The following RANBP2 variants were observed in gnomAD, a reference collection of about 807,000 sequenced individuals.
RANBP2 encodes the protein E3 SUMO-protein ligase RanBP2.
In RANBP2, 57 loss-of-function variants were observed where a neutral mutation model predicts 303.6. That is an observed-to-expected ratio of 0.19 (90% CI 0.15 to 0.23). The LOEUF is 0.23. Ranked by LOEUF, RANBP2 falls within the 10% of genes least tolerant of loss-of-function variation. RANBP2 has a pLI of 1.00. For synonymous variants in RANBP2, 1,167 were observed against 1,301.5 expected, an observed-to-expected ratio of 0.90 and a Z score of 2.23; for missense variants, 3,138 against 3,780.8, an observed-to-expected ratio of 0.83 and a Z score of 4.46.
chr2:109,590,779 A>G, the RANBP2 span, among the ~76,000 whole-genome samples: 4 of 152,264 alleles, frequency 2.6e-5, no homozygotes, highest in Non-Finnish European at 5.9e-5. Context: ...AAAGACATGA[A>G]GCATGAAGAG....
At chr2:108,867,924 A>T in the RANBP2 span, among the ~76,000 whole-genome samples, 2 of 152,214 alleles carry the variant, frequency 1.3e-5, no homozygotes, top group Non-Finnish European at 2.9e-5. Context: ...GTTTTCTTTA[A>T]AAAATAATTT....
At chr2:109,603,806 G>A in the RANBP2 span, among the ~76,000 whole-genome samples, 1 of 152,070 alleles carries the variant, frequency 6.6e-6, no homozygotes, top group African/African-American at 2.4e-5. Flanking sequence ...CAGGTTGGGC[G>A]TGGTGGGTCC....
At chr2:108,809,289 C>T in the RANBP2 span, among the ~76,000 whole-genome samples, 13 of 152,138 alleles carry the variant, frequency 8.5e-5, no homozygotes, top group South Asian at 2.3e-3. Flanking sequence ...GGATCGCTTT[C>T]GCTTATTTGG....
chr2:108,943,634 A>G, the RANBP2 span, among the ~76,000 whole-genome samples: 1 of 152,212 alleles, frequency 6.6e-6, no homozygotes. Context: ...CAGAATGTCC[A>G]GAGCGAAGAC....
At chr2:109,503,215 A>G in the RANBP2 span, 1 of 152,172 alleles carries the variant, frequency 6.6e-6, no homozygotes, top group Non-Finnish European at 1.5e-5. Flanking sequence ...CTCCACCTAT[A>G]TTTTTACAAA....
the RANBP2 span, among the ~76,000 whole-genome samples, chr2:109,167,232 A>AT: frequency 1.3e-5 from 2 of 152,220 alleles, no homozygotes; most frequent in African/African-American, 4.8e-5. Context: ...GAAAAGTGGC[A>AT]TTTTTAGACC....
At chr2:109,096,108 A>G in the RANBP2 span, among the ~76,000 whole-genome samples, 1 of 152,158 alleles carries the variant, frequency 6.6e-6, no homozygotes, top group Non-Finnish European at 1.5e-5. Context: ...ATTTTGTGAT[A>G]TCTAGTGTTT....
chr2:108,728,595 TATGATGATGATGATGATG>T (rs56238649), intron 1 of RANBP2, among the ~76,000 whole-genome samples: 12 of 145,612 alleles, frequency 8.2e-5, no homozygotes, highest in East Asian at 2.1e-4. Context: ...CCAGCTTATT[TATGATGATGATGATGATG>T]ATGATGATGA....
At chr2:109,021,252 G>A in the RANBP2 span, among the ~76,000 whole-genome samples, 21 of 152,274 alleles carry the variant, frequency 1.4e-4, no homozygotes, top group Admixed American at 3.9e-4. Flanking sequence ...CATCGGGCGC[G>A]GTGGCTCACG....
At chr2:109,065,118 C>G in the RANBP2 span, among the ~76,000 whole-genome samples, 1 of 152,140 alleles carries the variant, frequency 6.6e-6, no homozygotes, top group Non-Finnish European at 1.5e-5. Context: ...GACCACAAAG[C>G]AAACTAGCAA....
chr2:108,788,709 G>C (rs1679376574), downstream of RANBP2: 2 of 1,164,050 alleles, frequency 1.7e-6, no homozygotes, highest in African/African-American at 3.1e-5. Context: ...GACAGAGCGA[G>C]ACTCCGTCTC....
At chr2:109,021,528 A>AAG in the RANBP2 span, among the ~76,000 whole-genome samples, 1 of 151,110 alleles carries the variant, frequency 6.6e-6, no homozygotes, top group Non-Finnish European at 1.5e-5. Flanking sequence ...GTCTCAGAAA[A>AAG]AAAAAAAAAA....
At chr2:109,315,099 A>G in the RANBP2 span, among the ~76,000 whole-genome samples, 1 of 152,248 alleles carries the variant, frequency 6.6e-6, no homozygotes, top group East Asian at 1.9e-4. Context: ...TCCACTGGAC[A>G]GCACTGCTCC....
At chr2:109,419,676 G>GCCCTC in the RANBP2 span, 1 of 1,542,408 alleles carries the variant, frequency 6.5e-7, no homozygotes, top group East Asian at 2.4e-5. Context: ...GGGGTCCTGT[G>GCCCTC]CCTGCAGCCC....
the RANBP2 span, among the ~76,000 whole-genome samples, chr2:109,221,757 G>T: frequency 6.6e-6 from 1 of 152,054 alleles, no homozygotes; most frequent in South Asian, 2.1e-4. Context: ...TACTATTGGT[G>T]GGAACATAAA....
At chr2:108,929,649 G>C in the RANBP2 span, among the ~76,000 whole-genome samples, 46 of 152,272 alleles carry the variant, frequency 3.0e-4, no homozygotes, top group Non-Finnish European at 5.1e-4. Flanking sequence ...GGAATGCCCA[G>C]GCAGTGCAGG....
chr2:108,888,310 G>T, the RANBP2 span, among the ~76,000 whole-genome samples: 1 of 152,048 alleles, frequency 6.6e-6, no homozygotes, highest in Non-Finnish European at 1.5e-5. Flanking sequence ...ATTCACCAGG[G>T]ATATTGGCCT....
At chr2:109,624,458 T>G in the RANBP2 span, among the ~76,000 whole-genome samples, 1 of 152,244 alleles carries the variant, frequency 6.6e-6, no homozygotes, top group Non-Finnish European at 1.5e-5. Context: ...TAGAGTGTTC[T>G]TCAGGTTTCC....
At position 108,727,949 on chromosome 2, in the gene RANBP2, G is replaced by T. The variant is rs1042682492; in HGVS notation, c.73-1183G>T. 1.2e-3 allele frequency among the ~76,000 whole-genome samples: 179 copies of T among 152,268 alleles called. 1 individual carries two copies. Among genetic ancestry groups the T allele is most frequent in the African/African-American group, 4.0e-3 (166 of 41,560 alleles). On this transcript the variant is annotated intron_variant, in intron 1 of 28. Coordinates refer to ENST00000283195, the MANE Select transcript of RANBP2 (RefSeq NM_006267.5). ...ACTTTGGAGTTTATGTAACCAAGGA[G>T]CCAGGCTGTGGACCTCGTTTATTAC...
Sources: allele counts gnomAD v4.1 joint callset (sites outside exome capture counted in the v4.1 genomes callset), GRCh38; gene constraint gnomAD v4.1.1; transcripts MANE v1.5; gene names NCBI Gene and HGNC (gene_info 2026-07-23, HGNC 2026-07-21).